The following SLC35D4 variants were observed in gnomAD, a reference collection of about 807,000 sequenced individuals.
SLC35D4 encodes solute carrier family 35 member D4.
chr18:23,429,121 TTTG>T, the SLC35D4 span, among the ~76,000 whole-genome samples: 3 of 152,238 alleles, frequency 2.0e-5, no homozygotes, highest in African/African-American at 7.2e-5. Flanking sequence ...ATTCCATGTC[TTTG>T]TTATTATGCA....
the SLC35D4 span, among the ~76,000 whole-genome samples, chr18:23,316,653 G>A: frequency 3.6e-5 from 5 of 139,428 alleles, no homozygotes; most frequent in African/African-American, 1.6e-4. Flanking sequence ...TGAGAACACA[G>A]ATGAGGAACA....
chr18:23,361,708 G>A, the SLC35D4 span, among the ~76,000 whole-genome samples: 1 of 152,204 alleles, frequency 6.6e-6, no homozygotes, highest in South Asian at 2.1e-4. Context: ...CATCCTGCAG[G>A]AGACGGAAGG....
the SLC35D4 span, chr18:23,258,144 C>T: frequency 1.3e-5 from 2 of 152,358 alleles, no homozygotes; most frequent in African/African-American, 4.8e-5. Flanking sequence ...GAGTCAGTCG[C>T]GTGGAAGGAC....
the SLC35D4 span, among the ~76,000 whole-genome samples, chr18:23,374,588 C>T: frequency 1.3e-5 from 2 of 151,320 alleles, no homozygotes; most frequent in African/African-American, 2.4e-5. Context: ...CGGGTTCAAG[C>T]GATTCTCCTG....
the SLC35D4 span, among the ~76,000 whole-genome samples, chr18:23,314,776 CCTT>C: frequency 5.9e-5 from 9 of 152,192 alleles, no homozygotes; most frequent in Non-Finnish European, 1.2e-4. Flanking sequence ...AGGAATGTCT[CCTT>C]CTCACACACA....
chr18:23,252,375 ATG>A, the SLC35D4 span, among the ~76,000 whole-genome samples: 1 of 152,196 alleles, frequency 6.6e-6, no homozygotes, highest in Non-Finnish European at 1.5e-5. Flanking sequence ...ATTGTATGTG[ATG>A]TGTATTTTAC....
the SLC35D4 span, chr18:23,296,755 A>G: frequency 7.1e-6 from 1 of 140,680 alleles, no homozygotes; most frequent in Admixed American, 8.2e-5. Flanking sequence ...GTGTGTATAC[A>G]TATACTATTT....
chr18:23,358,566 A>G, the SLC35D4 span, among the ~76,000 whole-genome samples: 1 of 152,220 alleles, frequency 6.6e-6, no homozygotes, highest in Admixed American at 6.5e-5. Context: ...AGCCATTTCT[A>G]AAACCATCAC....
the SLC35D4 span, among the ~76,000 whole-genome samples, chr18:23,326,140 G>C: frequency 6.6e-6 from 1 of 152,210 alleles, no homozygotes; most frequent in Non-Finnish European, 1.5e-5. Context: ...CTGAGCATGT[G>C]CTCAGGACAA....
At chr18:23,414,172 TTGAA>T in the SLC35D4 span, among the ~76,000 whole-genome samples, 1 of 151,706 alleles carries the variant, frequency 6.6e-6, no homozygotes, top group South Asian at 2.1e-4. Context: ...GGAGAATCGC[TTGAA>T]CAGGGCAGCA....
At chr18:23,300,538 C>T in the SLC35D4 span, among the ~76,000 whole-genome samples, 12 of 152,176 alleles carry the variant, frequency 7.9e-5, no homozygotes, top group Admixed American at 7.9e-4. Context: ...TTGGCCTGAA[C>T]TACTTTATGA....
the SLC35D4 span, chr18:23,399,527 G>A: frequency 2.5e-6 from 4 of 1,580,386 alleles, no homozygotes; most frequent in East Asian, 2.2e-5. Context: ...AAGGGGAAAG[G>A]GAGAGAGGAG....
chr18:23,363,532 G>A, the SLC35D4 span, among the ~76,000 whole-genome samples: 9 of 151,044 alleles, frequency 6.0e-5, no homozygotes, highest in Admixed American at 2.0e-4. Context: ...CCGCCACCAC[G>A]CCCGGCTAAT....
chr18:23,287,757 C>T, the SLC35D4 span, among the ~76,000 whole-genome samples: 2 of 152,256 alleles, frequency 1.3e-5, no homozygotes, highest in South Asian at 4.1e-4. Context: ...CTAGCTCTCC[C>T]TGACTCATCG....
the SLC35D4 span, among the ~76,000 whole-genome samples, chr18:23,332,036 C>T: frequency 1.3e-5 from 2 of 149,568 alleles, no homozygotes; most frequent in Non-Finnish European, 3.0e-5. Flanking sequence ...CAGGCACACA[C>T]CTTTACACCT....
chr18:23,328,951 A>G, the SLC35D4 span, among the ~76,000 whole-genome samples: 1 of 152,168 alleles, frequency 6.6e-6, no homozygotes, highest in African/African-American at 2.4e-5. Flanking sequence ...AACAAGAAAC[A>G]GGGAAAAGAT....
chr18:23,309,716 A>G, the SLC35D4 span: 2 of 1,614,244 alleles, frequency 1.2e-6, no homozygotes, highest in Non-Finnish European at 1.7e-6. Context: ...CGCATCAAAC[A>G]GCAATATTGA....
At chr18:23,354,360 A>G in the SLC35D4 span, among the ~76,000 whole-genome samples, 6 of 150,218 alleles carry the variant, frequency 4.0e-5, no homozygotes, top group African/African-American at 1.2e-4. Context: ...AAAAAAAAAA[A>G]AAAAAAGAAA....
chr18:23,253,845 A>G, the SLC35D4 span: 1 of 1,614,244 alleles, frequency 6.2e-7, no homozygotes, highest in Non-Finnish European at 8.5e-7. Flanking sequence ...CTCAACAAAC[A>G]GAACCGGAAG....
Sources: gnomAD v4.1 joint callset for allele counts (sites outside exome capture counted in the v4.1 genomes callset) on GRCh38, gnomAD v4.1.1 for gene constraint, MANE v1.5 for transcripts, NCBI Gene and HGNC (gene_info 2026-07-23, HGNC 2026-07-21) for gene names.